The following NCOA6 variants were observed in gnomAD, a reference collection of about 807,000 sequenced individuals.
The protein encoded by NCOA6 is nuclear receptor coactivator 6, also known as NRC RAP250.
A neutral mutation model predicts 171.4 loss-of-function variants in NCOA6; 49 were observed. The ratio of observed to expected loss-of-function variants is 0.29; its 90% CI spans 0.23 to 0.36. NCOA6 has a LOEUF of 0.36. Ranked by LOEUF, NCOA6 falls within the 10% of genes least tolerant of loss-of-function variation. The pLI is 1.00. For missense variants in NCOA6, 2,248 were observed against 2,554.5 expected, an observed-to-expected ratio of 0.88 and a Z score of 2.59; for synonymous variants, 910 against 927.5, an observed-to-expected ratio of 0.98 and a Z score of 0.34.
chr20:34,760,750 G>A (rs763053348), intron 5 of NCOA6, among the ~76,000 whole-genome samples: 14 of 152,030 alleles, frequency 9.2e-5, no homozygotes, highest in Non-Finnish European at 1.5e-4. Context: ...AAATTTATTA[G>A]CATAGTTAAT....
chr20:34,722,054 CAAAAAAAAAAAAAA>C (rs71196757), intron 14 of NCOA6, among the ~76,000 whole-genome samples: 2 of 63,386 alleles, frequency 3.2e-5, no homozygotes, highest in Non-Finnish European at 5.6e-5. Context: ...GACCCTGTCT[CAAAAAAAAAAAAAA>C]AAAAAAAAAA....
intron 2 of NCOA6, among the ~76,000 whole-genome samples, chr20:34,782,800 A>G (rs2077548481): frequency 6.6e-6 from 1 of 152,158 alleles, no homozygotes; most frequent in Non-Finnish European, 1.5e-5. Context: ...AAAAGCTTAA[A>G]AGGAGCCAAG....
chr20:34,816,303 C>G (rs531913368), intron 1 of NCOA6, among the ~76,000 whole-genome samples: 1 of 152,238 alleles, frequency 6.6e-6, no homozygotes, highest in Admixed American at 6.5e-5. Context: ...ACTCTCAGTA[C>G]CTCAGAATGT....
intron 5 of NCOA6, among the ~76,000 whole-genome samples, chr20:34,766,141 A>G (rs1482187863): frequency 6.6e-6 from 1 of 152,228 alleles, no homozygotes; most frequent in Non-Finnish European, 1.5e-5. Context: ...TATGCTTGGC[A>G]GTAAAGAGAG....
chr20:34,718,886 T>C (rs1376573333), intron 14 of NCOA6, among the ~76,000 whole-genome samples: 9 of 152,240 alleles, frequency 5.9e-5, no homozygotes, highest in African/African-American at 1.7e-4. Context: ...CAGACTGTGA[T>C]TGGCACGCTG....
chr20:34,804,593 T>C (rs1173752347), intron 1 of NCOA6, among the ~76,000 whole-genome samples: 2 of 152,030 alleles, frequency 1.3e-5, no homozygotes, highest in African/African-American at 4.8e-5. Flanking sequence ...ACTCAAATAT[T>C]GCTTCCCATT....
Position 34,730,844 on chromosome 20 carries a change from A to G in NCOA6, c.5999+1715T>C, listed in dbSNP as rs543593103. Among the ~76,000 whole-genome samples the G allele has an allele frequency of 3.3e-5, 5 of 150,036 alleles. No individual in the cohort carries two copies. In the Admixed American group the frequency reaches 3.3e-4, roughly 10 times the overall value. ...ATCCTCCCACCTCAGCCTCCTAAGTAGCTGGGACTACAGGCACATACCACT... is the reference window on the plus strand; with the variant it reads ...ATCCTCCCACCTCAGCCTCCTAAGTGGCTGGGACTACAGGCACATACCACT... On this transcript the variant is annotated intron_variant, in intron 13 of 14. Coordinates refer to ENST00000359003, the MANE Select transcript of NCOA6 (RefSeq NM_014071.5).
chr20:34,811,544 C>A (rs1401607891), intron 1 of NCOA6, among the ~76,000 whole-genome samples: 1 of 152,032 alleles, frequency 6.6e-6, no homozygotes, highest in Non-Finnish European at 1.5e-5. Flanking sequence ...AAATATGTAT[C>A]TCTCAATATG....
At chr20:34,739,766 A>G (rs917346722) in intron 11 of NCOA6, among the ~76,000 whole-genome samples, 1 of 152,236 alleles carries the variant, frequency 6.6e-6, no homozygotes, top group African/African-American at 2.4e-5. Flanking sequence ...AAGATGATGC[A>G]AGACAACATA....
rs996601011 is a variant in NCOA6, at chr20:34,757,506, G to A, written c.1242C>T (p.Val414=). 5 of 1,613,764 alleles carry A rather than the reference G, an allele frequency of 3.1e-6. No homozygotes were observed. The African/African-American group carries it at 4.0e-5, about 13-fold the overall frequency. ...MKSLQGGPSR[V]PTPLQQPHLT... is the part of the protein sequence containing the mutation. Reference sequence around the variant, plus strand: ...GGTGGGGCTGCTGCAAGGGAGTTGGGACCCTAGAGGGCCCTCCCTGCAAAC... The same window carrying A: ...GGTGGGGCTGCTGCAAGGGAGTTGGAACCCTAGAGGGCCCTCCCTGCAAAC... Residue 414 remains valine, a synonymous_variant, in exon 7 of 15, where the codon GTC becomes GTT. Coordinates refer to ENST00000359003, the MANE Select transcript of NCOA6 (RefSeq NM_014071.5).
At position 34,825,528 on chromosome 20, in the gene NCOA6, G is replaced by C. The variant is rs2079129432; in HGVS notation, c.-220C>G. ...CTTGGAGCGCCGGCCCGGGCCGTGC[G>C]TGCCCGCCGCCCTCGGTGCGTCCGT... On this transcript the variant is annotated 5_prime_UTR_variant, in exon 1 of 15. Transcript: ENST00000359003. The C allele has an allele frequency of 2.0e-5, 3 of 147,820 alleles. No homozygotes were observed. The South Asian group carries it at 6.3e-4, about 31-fold the overall frequency. 9.2% of individuals were successfully genotyped at this position (147,820 alleles called of 1,614,324 possible).
At chr20:34,790,208 T>C (rs1275946014) in intron 2 of NCOA6, among the ~76,000 whole-genome samples, 1 of 151,872 alleles carries the variant, frequency 6.6e-6, no homozygotes, top group Non-Finnish European at 1.5e-5. Context: ...TACATATAGA[T>C]AGAATATTAT....
chr20:34,758,014 G>GGCT lies in NCOA6; in HGVS notation c.731_733dup (p.Gln244dup), dbSNP rs771971501. 3 of 1,614,036 alleles carry GGCT rather than the reference G, an allele frequency of 1.9e-6. No homozygotes were observed. Among genetic ancestry groups the GGCT allele is most frequent in the Non-Finnish European group, 2.5e-6 (3 of 1,180,014 alleles). ...GTTCATTTGTCTGTTCACAGAGACAGGCTGCATTGGGTGATGTGGGGGAGC... is the reference window on the plus strand; with the variant it reads ...GTTCATTTGTCTGTTCACAGAGACAGGCTGCTGCATTGGGTGATGTGGGGGAGC... On this transcript the variant is annotated inframe_insertion, in exon 7 of 15. Transcript: ENST00000359003.
In NCOA6 at chr20:34,742,193, T is replaced by A. The variant is rs1166057270; in HGVS notation, c.4063A>T (p.Thr1355Ser). ...GRQNSKAPKLTLASQTNAALL... is the reference protein window; with the variant it reads ...GRQNSKAPKLSLASQTNAALL... The stretch of plus-strand genomic sequence containing the variant: ...GCTGCATTTGTCTGAGAGGCCAGAG[T>A]AAGTTTAGGGGCTTTTGAATTTTGC... The change falls in exon 11 of 15, where the codon ACT becomes TCT. Residue 1355 changes from threonine (T) to serine (S), a missense_variant. This residue lies in a region of NCOA6 where 884 missense variants were observed against 941.9 expected (regional missense o/e 0.94). Transcript: ENST00000359003. 5 of 1,614,130 alleles carry A rather than the reference T, an allele frequency of 3.1e-6. No individual in the cohort carries two copies. In the Admixed American group the frequency reaches 6.7e-5, roughly 22 times the overall value.
chr20:34,817,156 AG>A (rs1568902028), intron 1 of NCOA6, among the ~76,000 whole-genome samples: 3,260 of 125,266 alleles, frequency 0.026, 679 homozygotes, highest in Non-Finnish European at 0.039. Context: ...CAAAAGCAAA[AG>A]AAAATGTATA....
intron 1 of NCOA6, among the ~76,000 whole-genome samples, chr20:34,823,360 G>GA (rs1043775472): frequency 6.7e-6 from 1 of 149,940 alleles, no homozygotes; most frequent in Non-Finnish European, 1.5e-5. Flanking sequence ...TCTACAAACA[G>GA]AAAAAAAAGA....
intron 1 of NCOA6, among the ~76,000 whole-genome samples, chr20:34,798,619 GC>G (rs2078160025): frequency 6.6e-6 from 1 of 152,212 alleles, no homozygotes; most frequent in Admixed American, 6.5e-5. Flanking sequence ...AGGTAGCTCA[GC>G]ATAGACGGAC....
rs1266114943 is a variant in NCOA6 at position 34,749,395 on chromosome 20, C to G, written c.2792+8G>C. ...AATAAAATTTGAGGCAAAACCATCA[C>G]AACCTACTTTAGATCTTGCTGACTA... On this transcript the variant is annotated splice_region_variant and intron_variant, in intron 9 of 14. Transcript: ENST00000359003. The G allele has an allele frequency of 2.5e-6, 4 of 1,579,448 alleles. No individual in the cohort carries two copies. Among genetic ancestry groups the G allele is most frequent in the Non-Finnish European group, 3.4e-6 (4 of 1,163,044 alleles).
intron 5 of NCOA6, among the ~76,000 whole-genome samples, chr20:34,767,814 G>C (rs1206110816): frequency 6.6e-6 from 1 of 152,168 alleles, no homozygotes; most frequent in African/African-American, 2.4e-5. Context: ...GGAGTTAGAA[G>C]ATCTGTGATA....
Sources: gnomAD v4.1 joint callset for allele counts (sites outside exome capture counted in the v4.1 genomes callset) on GRCh38, gnomAD v4.1.1 for gene constraint, gnomAD v4.1.1 regional missense constraint, MANE v1.5 for transcripts, NCBI Gene and HGNC (gene_info 2026-07-23, HGNC 2026-07-21) for gene names.